MS4A8: variants seen among roughly 807,000 people sequenced by gnomAD.
The protein encoded by MS4A8 is membrane-spanning 4-domains subfamily A member 8.
In MS4A8, 27 loss-of-function variants were observed where a neutral mutation model predicts 23.7. That is an observed-to-expected ratio of 1.14 (90% CI 0.84 to 1.57). The LOEUF is 1.57. Among genes scored for constraint, MS4A8 ranks in the 40% most tolerant of loss-of-function variants. The pLI is 0.00. For missense variants in MS4A8, 301 were observed against 311.4 expected (o/e 0.97, Z 0.25); for synonymous variants, 138 against 126.3 (o/e 1.09, Z -0.62).
intron 1 of MS4A8, among the ~76,000 whole-genome samples, chr11:60,700,415 G>A (rs527860336): frequency 5.9e-5 from 9 of 152,164 alleles, no homozygotes; most frequent in South Asian, 4.2e-4. Context: ...GTGTGGTGGC[G>A]GGGGCCTGTA....
At chr11:60,702,082 C>T (rs1044866020) in intron 2 of MS4A8, among the ~76,000 whole-genome samples, 16 of 152,184 alleles carry the variant, frequency 1.1e-4, no homozygotes, top group African/African-American at 3.6e-4. Context: ...CAAACATACA[C>T]AGATGTTCTT....
intron 2 of MS4A8, chr11:60,701,583 G>A (rs79558320): frequency 0.011 from 3,023 of 263,720 alleles, 68 homozygotes; most frequent in African/African-American, 0.053. Context: ...CATGAATTTG[G>A]ATGCAGACTG....
chr11:60,708,746 G>A lies in MS4A8; in HGVS notation c.499G>A (p.Ala167Thr). 1 of 1,613,858 alleles carries A rather than the reference G, an allele frequency of 6.2e-7. No homozygotes were observed. The highest frequency in any genetic ancestry group is 8.5e-7 in the Non-Finnish European group (1 of 1,179,892). The change falls in exon 5 of 7, where the codon GCC becomes ACC. Residue 167 changes from alanine (A) to threonine (T), a missense_variant. Physicochemically the swap from Ala to Thr is moderately conservative, Grantham distance 58 (BLOSUM62 0). Transcript: ENST00000300226. ...AGATCTAAGTATTCCCCACCCATAT[G>A]CCTACCCCGACTATTATCCTTACGC... ...ITDLSIPHPY[A>T]YPDYYPYAWG...
chr11:60,712,863 C>G (rs776224623), intron 5 of MS4A8, among the ~76,000 whole-genome samples: 22 of 152,000 alleles, frequency 1.4e-4, no homozygotes, highest in Non-Finnish European at 2.5e-4. Context: ...CATCCACCTT[C>G]ACTATGAAAT....
chr11:60,714,803 T>A (rs1258441341), intron 5 of MS4A8, among the ~76,000 whole-genome samples: 1 of 152,156 alleles, frequency 6.6e-6, no homozygotes, highest in Non-Finnish European at 1.5e-5. Flanking sequence ...TCATCTTTTT[T>A]CTCAGAGGAA....
At chr11:60,704,954 T>A (rs1269074623) in intron 3 of MS4A8, among the ~76,000 whole-genome samples, 1 of 152,100 alleles carries the variant, frequency 6.6e-6, no homozygotes, top group Non-Finnish European at 1.5e-5. Context: ...CTCTCCCTTC[T>A]GTTACAGTCT....
At position 60,708,573 on chromosome 11, in the gene MS4A8, A is replaced by G. The variant is rs1339062333; in HGVS notation, c.403-77A>G. On this transcript the variant is annotated intron_variant, in intron 4 of 6. Coordinates refer to ENST00000300226, the MANE Select transcript of MS4A8 (RefSeq NM_031457.2). ...AATTTTAGAAATTGGGGGGAAAAAG[A>G]AACACTTGTTGGGTCTCCATTCATC... 2.1e-6 allele frequency: 3 copies of G among 1,420,830 alleles called. No homozygotes were observed. The Admixed American group carries it at 7.8e-5, about 37-fold the overall frequency. The allele number at this position is 1,420,830 out of a possible 1,614,324, so 88.0% of individuals were successfully genotyped here. A position where few individuals can be genotyped will look rare whatever the true frequency, so the allele number is the denominator to read the frequency against.
At chr11:60,704,108 T>TCTTTTTA (rs2088231333) in intron 3 of MS4A8, among the ~76,000 whole-genome samples, 1 of 151,124 alleles carries the variant, frequency 6.6e-6, no homozygotes, top group East Asian at 1.9e-4. Flanking sequence ...GGATGTATTT[T>TCTTTTTA]CTTTTTACTT....
At chr11:60,700,642 T>C (rs1030014782) in intron 1 of MS4A8, among the ~76,000 whole-genome samples, 1 of 152,158 alleles carries the variant, frequency 6.6e-6, no homozygotes, top group African/African-American at 2.4e-5. Flanking sequence ...GAGTCTTAGT[T>C]TTCTCATCTG....
intron 2 of MS4A8, among the ~76,000 whole-genome samples, chr11:60,702,737 T>C (rs1365317344): frequency 6.6e-6 from 1 of 152,154 alleles, no homozygotes; most frequent in East Asian, 1.9e-4. Context: ...TCATATTGGA[T>C]TGGAGACCCA....
chr11:60,711,888 C>A, intron 5 of MS4A8: 1 of 456,036 alleles, frequency 2.2e-6, no homozygotes, highest in Non-Finnish European at 4.4e-6. Context: ...CCCATTCCAC[C>A]TTCAAGCCTC....
chr11:60,699,984 A>T (rs1252478918), intron 1 of MS4A8, among the ~76,000 whole-genome samples: 1 of 152,258 alleles, frequency 6.6e-6, no homozygotes, highest in Non-Finnish European at 1.5e-5. Flanking sequence ...TTAAAACCAC[A>T]TTAGAATGTA....
chr11:60,713,909 CTTTTTT>C (rs1170997070), intron 5 of MS4A8, among the ~76,000 whole-genome samples: 15 of 101,938 alleles, frequency 1.5e-4, no homozygotes, highest in Non-Finnish European at 2.5e-4. Flanking sequence ...GGTGATGACT[CTTTTTT>C]TTTTTTTTTT....
chr11:60,715,606 T>C lies in MS4A8; in HGVS notation c.*192T>C, dbSNP rs2088337685. On this transcript the variant is annotated 3_prime_UTR_variant, in exon 7 of 7. Transcript: ENST00000300226. The stretch of plus-strand genomic sequence containing the variant: ...TTCTCTATCAAGAAGAAGACAGAGA[T>C]TTTAAACAGATGTTAACCAAGAGGG... 4 of 583,440 alleles carry C rather than the reference T, an allele frequency of 6.9e-6. No individual in the cohort carries two copies. The highest frequency in any genetic ancestry group is 3.0e-5 in the Admixed American group (1 of 33,184). The allele number at this position is 583,440 out of a possible 1,614,324, so 36.1% of individuals were successfully genotyped here.
At chr11:60,712,768 A>G (rs2088310626) in intron 5 of MS4A8, among the ~76,000 whole-genome samples, 1 of 151,596 alleles carries the variant, frequency 6.6e-6, no homozygotes, top group Non-Finnish European at 1.5e-5. Flanking sequence ...CTCCAACCTG[A>G]GTGGCAGAGC....
intron 2 of MS4A8, among the ~76,000 whole-genome samples, chr11:60,701,887 C>T (rs558788723): frequency 1.3e-5 from 2 of 152,156 alleles, no homozygotes; most frequent in South Asian, 4.2e-4. Flanking sequence ...TCAGTGCATC[C>T]AAAGAATAAA....
chr11:60,705,490 G>C (rs1342278188), intron 3 of MS4A8, among the ~76,000 whole-genome samples: 3 of 152,192 alleles, frequency 2.0e-5, no homozygotes, highest in Non-Finnish European at 4.4e-5. Context: ...TCCCAGGACT[G>C]TCTTTCTATT....
intron 3 of MS4A8, among the ~76,000 whole-genome samples, chr11:60,704,837 TACAC>T (rs966616197): frequency 5.0e-4 from 30 of 59,686 alleles, no homozygotes; most frequent in South Asian, 2.0e-3. Flanking sequence ...CACACACACA[TACAC>T]ACACACACAT....
chr11:60,707,812 C>CTTTTT (rs5792195), intron 4 of MS4A8, among the ~76,000 whole-genome samples: 3,108 of 54,168 alleles, frequency 0.057, 1 homozygote, highest in Non-Finnish European at 0.071. Context: ...TTTTCTTTTT[C>CTTTTT]TTTTTTTTTT....
Sources: gnomAD v4.1 joint callset for allele counts (sites outside exome capture counted in the v4.1 genomes callset) on GRCh38, gnomAD v4.1.1 for gene constraint, MANE v1.5 for transcripts, NCBI Gene and HGNC (gene_info 2026-07-23, HGNC 2026-07-21) for gene names.